SLC28A3: variants seen among roughly 807,000 people sequenced by gnomAD.
SLC28A3 encodes solute carrier family 28 member 3, also known as concentrative Na(+)-nucleoside cotransporter 3.
Under a neutral mutation model 84.2 loss-of-function variants are expected in SLC28A3, and 68 were observed. That is an observed-to-expected ratio of 0.81 (90% CI 0.66 to 0.99). The LOEUF (loss-of-function observed/expected upper bound fraction) is 0.99. SLC28A3 is among the 50% of genes least tolerant of loss of function. The pLI, the probability that SLC28A3 is intolerant of heterozygous loss-of-function variation, is 0.00. For missense variants in SLC28A3, 712 were observed against 841.5 expected (o/e 0.85, Z 1.90); for synonymous variants, 267 against 303.6 (o/e 0.88, Z 1.25).
At chr9:84,314,979 A>G (rs1014236187) in intron 1 of SLC28A3, among the ~76,000 whole-genome samples, 1 of 152,166 alleles carries the variant, frequency 6.6e-6, no homozygotes, top group Admixed American at 6.5e-5. Context: ...TGGGAGGCTG[A>G]GGCAGGAGAA....
chr9:84,332,465 T>A (rs1201107516), intron 1 of SLC28A3, among the ~76,000 whole-genome samples: 1 of 152,178 alleles, frequency 6.6e-6, no homozygotes, highest in Non-Finnish European at 1.5e-5. Context: ...GGATGCATTA[T>A]AAACTGAAGA....
intron 1 of SLC28A3, among the ~76,000 whole-genome samples, chr9:84,338,919 C>T (rs1208074347): frequency 6.6e-6 from 1 of 151,986 alleles, no homozygotes; most frequent in East Asian, 1.9e-4. Flanking sequence ...TCCCCCATCC[C>T]CCATCTTCCT....
chr9:84,314,649 CTTTT>C (rs1390922147), intron 1 of SLC28A3, among the ~76,000 whole-genome samples: 1 of 152,176 alleles, frequency 6.6e-6, no homozygotes, highest in African/African-American at 2.4e-5. Flanking sequence ...GCCATACTTC[CTTTT>C]TTGTTACAGT....
At chr9:84,288,585 C>T (rs958923508) in intron 11 of SLC28A3, among the ~76,000 whole-genome samples, 2 of 151,818 alleles carry the variant, frequency 1.3e-5, no homozygotes, top group African/African-American at 4.8e-5. Context: ...AGTCTTGCTC[C>T]GTCACCCAGG....
chr9:84,335,936 G>A (rs1344896962), intron 1 of SLC28A3, among the ~76,000 whole-genome samples: 1 of 151,774 alleles, frequency 6.6e-6, no homozygotes. Context: ...TAGTACCTCC[G>A]TCCCAGTGTC....
the SLC28A3 span, among the ~76,000 whole-genome samples, chr9:84,349,548 T>C: frequency 6.6e-6 from 1 of 152,244 alleles, no homozygotes; most frequent in Non-Finnish European, 1.5e-5. Flanking sequence ...ACTTGTTTTT[T>C]ATAAATTACC....
At chr9:84,368,107 T>C in the SLC28A3 span, among the ~76,000 whole-genome samples, 7 of 152,072 alleles carry the variant, frequency 4.6e-5, no homozygotes, top group African/African-American at 1.7e-4. Context: ...CCTTGGACAA[T>C]ACCCAGGCTT....
At chr9:84,294,401 T>G in intron 8 of SLC28A3, 126 bp from the exon 9 acceptor site, 1 of 844,580 alleles carries the variant, frequency 1.2e-6, no homozygotes. Flanking sequence ...AAACTCCTCT[T>G]GAACTTTAAT....
At chr9:84,290,321 T>C in intron 10 of SLC28A3, 42 bp from the exon 11 acceptor site, 1 of 1,606,496 alleles carries the variant, frequency 6.2e-7, no homozygotes, top group Non-Finnish European at 8.5e-7. Context: ...TTTAAATCTG[T>C]GTGGGGGCAG....
intron 15 of SLC28A3, 97 bp from the exon 16 acceptor site, chr9:84,280,170 C>A: frequency 9.3e-7 from 1 of 1,070,600 alleles, no homozygotes; most frequent in Non-Finnish European, 1.3e-6. Flanking sequence ...CTCAGGTCAG[C>A]TGACTTTTTT....
chr9:84,353,905 A>G, the SLC28A3 span, among the ~76,000 whole-genome samples: 1 of 152,184 alleles, frequency 6.6e-6, no homozygotes, highest in Admixed American at 6.5e-5. Context: ...ATCAAAACCA[A>G]TCATTCCAGG....
intron 1 of SLC28A3, among the ~76,000 whole-genome samples, chr9:84,338,287 C>T (rs950593190): frequency 3.9e-5 from 6 of 152,088 alleles, no homozygotes; most frequent in Non-Finnish European, 5.9e-5. Context: ...TTTAATAATG[C>T]GAGTGAAGTA....
intron 1 of SLC28A3, among the ~76,000 whole-genome samples, chr9:84,313,863 T>TG (rs1826073669): frequency 1.5e-5 from 2 of 132,588 alleles, no homozygotes; most frequent in Non-Finnish European, 3.1e-5. Flanking sequence ...AGCAAGACTC[T>TG]ACCTGAAAAA....
chr9:84,323,654 A>T (rs1226359954), intron 1 of SLC28A3, among the ~76,000 whole-genome samples: 1 of 151,700 alleles, frequency 6.6e-6, no homozygotes, highest in Non-Finnish European at 1.5e-5. Flanking sequence ...CGAATTCCTA[A>T]CCTCGTGATC....
At chr9:84,320,662 T>G (rs1235242226) in intron 1 of SLC28A3, among the ~76,000 whole-genome samples, 1 of 152,100 alleles carries the variant, frequency 6.6e-6, no homozygotes, top group Non-Finnish European at 1.5e-5. Context: ...TGTGGGGGAT[T>G]GCATATGTGG....
intron 1 of SLC28A3, among the ~76,000 whole-genome samples, chr9:84,329,158 G>T (rs890926504): frequency 8.6e-5 from 13 of 152,028 alleles, no homozygotes; most frequent in African/African-American, 3.1e-4. Context: ...TGGCAAAAGG[G>T]TCAATTTATC....
chr9:84,302,717 G>A (rs146810062), intron 4 of SLC28A3, among the ~76,000 whole-genome samples: 20 of 152,190 alleles, frequency 1.3e-4, no homozygotes, highest in Admixed American at 2.6e-4. Context: ...ATTCAGTCTC[G>A]GCAGGTGAGC....
chr9:84,287,006 C>A (rs1825016163), intron 12 of SLC28A3, among the ~76,000 whole-genome samples: 1 of 151,956 alleles, frequency 6.6e-6, no homozygotes, highest in Non-Finnish European at 1.5e-5. Context: ...GAGTTTGAGA[C>A]CAGTCTGGAC....
At chr9:84,340,810 G>A, upstream of SLC28A3, 1 of 603,772 alleles carries the variant, frequency 1.7e-6, no homozygotes, top group Non-Finnish European at 2.9e-6. Context: ...CCTGGTTGGG[G>A]TGGGGCAGAG....
Sources: allele counts gnomAD v4.1 joint callset (sites outside exome capture counted in the v4.1 genomes callset), GRCh38; gene constraint gnomAD v4.1.1; transcripts MANE v1.5; gene names NCBI Gene and HGNC (gene_info 2026-07-23, HGNC 2026-07-21).